CAMTA1: variants seen among roughly 807,000 people sequenced by gnomAD.
CAMTA1 encodes calmodulin binding transcription activator 1.
Under a neutral mutation model 170.9 loss-of-function variants are expected in CAMTA1, and 27 were observed. That is an observed-to-expected ratio of 0.16 (90% CI 0.12 to 0.22). The LOEUF is 0.22. Ranked by LOEUF, CAMTA1 falls within the 10% of genes least tolerant of loss-of-function variation. The probability of loss-of-function intolerance (pLI) is 1.00; values close to 1 mark genes in which losing one functional copy is unlikely to be tolerated. For synonymous variants in CAMTA1, 833 were observed against 891.5 expected (o/e 0.93, Z 1.17); for missense variants, 1,619 against 2,217.2 (o/e 0.73, Z 5.42).
chr1:7,605,854 C>T (rs113630077), intron 6 of CAMTA1, among the ~76,000 whole-genome samples: 16 of 152,320 alleles, frequency 1.1e-4, no homozygotes, highest in Middle Eastern at 3.4e-3. Context: ...TTAATCTCAT[C>T]TAAAAAGGAC....
intron 5 of CAMTA1, among the ~76,000 whole-genome samples, chr1:7,258,784 G>A (rs1365650507): frequency 2.6e-5 from 4 of 152,096 alleles, no homozygotes; most frequent in Admixed American, 6.5e-5. Flanking sequence ...CGTCATTGGC[G>A]GCTGTGGCTT....
chr1:7,525,232 G>A (rs566781019), intron 6 of CAMTA1, among the ~76,000 whole-genome samples: 4 of 151,842 alleles, frequency 2.6e-5, no homozygotes, highest in African/African-American at 9.7e-5. Flanking sequence ...TCTCCGGGCC[G>A]CCCTGCAGCA....
Position 6,901,006 on chromosome 1 carries a change from A to C in CAMTA1, c.234+75796A>C, listed in dbSNP as rs1009324627. 4.6e-5 allele frequency among the ~76,000 whole-genome samples: 7 copies of C among 152,364 alleles called. No individual in the cohort carries two copies. In the South Asian group the frequency reaches 1.4e-3, roughly 32 times the overall value. ...TGATTTCAAGACTTCCTGTAATGCT[A>C]CAGTAATCAAGACAGTGTGGTATTG... is the stretch of plus-strand genomic sequence containing the variant. On this transcript the variant is annotated intron_variant, in intron 3 of 22. Coordinates refer to ENST00000303635, the MANE Select transcript of CAMTA1 (RefSeq NM_015215.4).
intron 6 of CAMTA1, among the ~76,000 whole-genome samples, chr1:7,519,680 A>G (rs1411292776): frequency 6.6e-6 from 1 of 151,828 alleles, no homozygotes; most frequent in Non-Finnish European, 1.5e-5. Context: ...AGCTGTGTAC[A>G]GACATGCCCC....
intron 3 of CAMTA1, among the ~76,000 whole-genome samples, chr1:6,877,276 G>A (rs1044673704): frequency 2.0e-5 from 3 of 152,276 alleles, no homozygotes; most frequent in Admixed American, 6.5e-5. Context: ...TGTGAAAGTC[G>A]GGAAGCTTTG....
At chr1:7,352,473 A>G (rs2084757563) in intron 5 of CAMTA1, among the ~76,000 whole-genome samples, 1 of 152,210 alleles carries the variant, frequency 6.6e-6, no homozygotes, top group South Asian at 2.1e-4. Context: ...TAACGGAGAC[A>G]CAGTGGCTGA....
chr1:7,310,640 CTTTCTTT>C (rs755276172), intron 5 of CAMTA1, among the ~76,000 whole-genome samples: 5,616 of 34,812 alleles, frequency 0.16, 616 homozygotes, highest in African/African-American at 0.17. Flanking sequence ...TTCTTTCTTT[CTTTCTTT>C]TTTCTTTCTT....
chr1:7,292,774 A>G (rs1673336951), intron 5 of CAMTA1, among the ~76,000 whole-genome samples: 1 of 152,184 alleles, frequency 6.6e-6, no homozygotes, highest in African/African-American at 2.4e-5. Context: ...ACTCAGAGAA[A>G]ATGCAACCAT....
intron 3 of CAMTA1, chr1:6,888,189 G>A (rs1673735736): frequency 1.0e-6 from 1 of 985,986 alleles, no homozygotes; most frequent in Non-Finnish European, 1.2e-6. Flanking sequence ...CTAAATAAAC[G>A]CTGTTGAACG....
chr1:7,541,698 A>G (rs1296029429), intron 6 of CAMTA1, among the ~76,000 whole-genome samples: 1 of 152,186 alleles, frequency 6.6e-6, no homozygotes, highest in African/African-American at 2.4e-5. Flanking sequence ...GCGTTCCCCC[A>G]AACCCCCACT....
At chr1:7,520,582 C>T (rs976056973) in intron 6 of CAMTA1, among the ~76,000 whole-genome samples, 16 of 151,760 alleles carry the variant, frequency 1.1e-4, no homozygotes, top group Non-Finnish European at 1.8e-4. Flanking sequence ...CATGGGCACC[C>T]GTCATCTGCC....
At chr1:7,059,292 G>A (rs1030461145) in intron 3 of CAMTA1, among the ~76,000 whole-genome samples, 1 of 152,208 alleles carries the variant, frequency 6.6e-6, no homozygotes, top group African/African-American at 2.4e-5. Flanking sequence ...TGGAAGAGGT[G>A]GGGGTAACAA....
chr1:7,197,289 C>T (rs1655698645), intron 4 of CAMTA1, among the ~76,000 whole-genome samples: 1 of 152,106 alleles, frequency 6.6e-6, no homozygotes, highest in Non-Finnish European at 1.5e-5. Flanking sequence ...GAGGTGGAGG[C>T]CAAACAAGGG....
intron 6 of CAMTA1, among the ~76,000 whole-genome samples, chr1:7,568,154 C>T (rs1032766322): frequency 2.0e-5 from 3 of 151,964 alleles, no homozygotes; most frequent in African/African-American, 4.8e-5. Context: ...CCATCATCAT[C>T]CTTATCATCA....
chr1:6,893,003 G>A (rs993797941), intron 3 of CAMTA1, among the ~76,000 whole-genome samples: 2 of 152,056 alleles, frequency 1.3e-5, no homozygotes, highest in Non-Finnish European at 2.9e-5. Flanking sequence ...AGCTGTGGCC[G>A]GGCGCGGTGG....
chr1:7,424,723 G>C (rs2091779572), intron 5 of CAMTA1, among the ~76,000 whole-genome samples: 1 of 152,166 alleles, frequency 6.6e-6, no homozygotes, highest in Non-Finnish European at 1.5e-5. Context: ...TGGCTTCAGA[G>C]ACCCTGGAAC....
chr1:7,357,433 G>A (rs925239958), intron 5 of CAMTA1, among the ~76,000 whole-genome samples: 5 of 152,176 alleles, frequency 3.3e-5, no homozygotes, highest in Admixed American at 6.5e-5. Context: ...TCAAGTCCTG[G>A]CACTGCCCCA....
At chr1:6,856,419 A>C (rs1662425538) in intron 3 of CAMTA1, among the ~76,000 whole-genome samples, 1 of 151,218 alleles carries the variant, frequency 6.6e-6, no homozygotes, top group African/African-American at 2.4e-5. Flanking sequence ...GTTACGAGAT[A>C]CATAACAGCA....
intron 5 of CAMTA1, among the ~76,000 whole-genome samples, chr1:7,262,271 T>C (rs1370563761): frequency 6.6e-5 from 10 of 151,806 alleles, no homozygotes; most frequent in Admixed American, 2.0e-4. Context: ...GTTCAAAGAG[T>C]CTTAAATGGG....
Sources: allele counts gnomAD v4.1 joint callset (sites outside exome capture counted in the v4.1 genomes callset), GRCh38; gene constraint gnomAD v4.1.1; transcripts MANE v1.5; gene names NCBI Gene and HGNC (gene_info 2026-07-23, HGNC 2026-07-21).